Variants in CACNA1I observed in about 807,000 individuals in gnomAD.
The protein encoded by CACNA1I is calcium voltage-gated channel subunit alpha1 I.
CACNA1I carries 74 observed loss-of-function variants against 201.6 expected under a neutral mutation model. That is an observed-to-expected ratio of 0.37 (90% CI 0.30 to 0.45). The LOEUF (loss-of-function observed/expected upper bound fraction) is 0.45, where lower values mean the gene tolerates loss of function less well. Ranked by LOEUF, CACNA1I falls within the 20% of genes least tolerant of loss-of-function variation. The pLI is 1.00. For missense variants in CACNA1I, 2,346 were observed against 3,138.1 expected (o/e 0.75, Z 6.03); for synonymous variants, 1,431 against 1,345.2 (o/e 1.06, Z -1.40).
At chr22:39,602,056 C>T (rs1434737064) in intron 3 of CACNA1I, among the ~76,000 whole-genome samples, 1 of 38,170 alleles carries the variant, frequency 2.6e-5, no homozygotes, top group Non-Finnish European at 4.7e-5. Flanking sequence ...TTCGCCCTCC[C>T]TCCCTCCCTC....
intron 4 of CACNA1I, among the ~76,000 whole-genome samples, chr22:39,628,628 C>T (rs1231669585): frequency 6.6e-6 from 1 of 152,116 alleles, no homozygotes; most frequent in East Asian, 1.9e-4. Flanking sequence ...CCTGGCTGGG[C>T]CTTGGGCCGG....
At chr22:39,585,907 G>A (rs1420316886) in intron 1 of CACNA1I, among the ~76,000 whole-genome samples, 10 of 151,738 alleles carry the variant, frequency 6.6e-5, no homozygotes, top group South Asian at 2.1e-4. Context: ...TTGACCTGGC[G>A]CGGTGGCTCA....
At chr22:39,668,205 A>G in intron 23 of CACNA1I, 87 bp from the exon 24 acceptor site, 1 of 761,386 alleles carries the variant, frequency 1.3e-6, no homozygotes, top group Non-Finnish European at 2.3e-6. Flanking sequence ...TCCCAAGGGC[A>G]GAAGAATAGA....
intron 34 of CACNA1I, 72 bp downstream of exon 34, chr22:39,681,124 A>AC (rs1935692665): frequency 8.0e-6 from 12 of 1,498,638 alleles, no homozygotes; most frequent in African/African-American, 4.1e-5. Flanking sequence ...CCCAGGCAGG[A>AC]CCCCCCTGTC....
intron 1 of CACNA1I, among the ~76,000 whole-genome samples, chr22:39,578,709 T>C (rs1370103601): frequency 6.6e-6 from 1 of 152,204 alleles, no homozygotes; most frequent in Non-Finnish European, 1.5e-5. Flanking sequence ...ATTTGTGTGC[T>C]GATTCTTTCC....
In CACNA1I at chr22:39,666,581, T is replaced by C. The variant is rs1340478619; in HGVS notation, c.4104+575T>C. Among the ~76,000 whole-genome samples, 4 of 152,122 alleles carry C rather than the reference T, an allele frequency of 2.6e-5. No homozygotes were observed. The highest frequency in any genetic ancestry group is 2.6e-4 in the Admixed American group (4 of 15,286). On this transcript the variant is annotated intron_variant, in intron 23 of 36. Transcript: ENST00000402142. The surrounding 1 kb of genome is among the most constrained non-coding windows in gnomAD (Gnocchi z 4.1). ...TGCCAGGTGTGACCCATCTGGGCAG[T>C]GCCCCAGGTGAGGGCCCTTGGCTGG...
At chr22:39,576,277 T>C (rs1238759169) in intron 1 of CACNA1I, among the ~76,000 whole-genome samples, 2 of 152,264 alleles carry the variant, frequency 1.3e-5, no homozygotes, top group Non-Finnish European at 2.9e-5. Flanking sequence ...CTGATGCTGA[T>C]TGCTGAAAGC....
chr22:39,660,056 C>T (rs1050946490), intron 14 of CACNA1I, among the ~76,000 whole-genome samples: 1 of 152,072 alleles, frequency 6.6e-6, no homozygotes, highest in African/African-American at 2.4e-5. Context: ...CCCTGCTCCC[C>T]CCCAGGGATG....
intron 5 of CACNA1I, among the ~76,000 whole-genome samples, chr22:39,637,414 C>T (rs923476130): frequency 6.6e-6 from 1 of 152,130 alleles, no homozygotes; most frequent in African/African-American, 2.4e-5. Context: ...GGAGGGTACT[C>T]TTGATCGAGG....
chr22:39,664,196 C>T, intron 20 of CACNA1I, 37 bp downstream of exon 20: 1 of 1,567,310 alleles, frequency 6.4e-7, no homozygotes, highest in Non-Finnish European at 8.7e-7. Flanking sequence ...CTGCTAGCCC[C>T]AGCTCGGGCC....
At chr22:39,577,686 G>A (rs571802680) in intron 1 of CACNA1I, among the ~76,000 whole-genome samples, 3 of 152,372 alleles carry the variant, frequency 2.0e-5, no homozygotes, top group Admixed American at 6.5e-5. Context: ...AGAGGCGCCT[G>A]TGGGACGATG....
Position 39,658,302 on chromosome 22 carries a change from AG to A in CACNA1I, c.2144+1del. 1 of 1,613,524 alleles carries A rather than the reference AG, an allele frequency of 6.2e-7. No individual in the cohort carries two copies. Among genetic ancestry groups the A allele is most frequent in the Non-Finnish European group, 8.5e-7 (1 of 1,179,590 alleles). Reference sequence around the variant, plus strand: ...CTTCGACAGCATCATTGTCATCATCAGGTACCCCTCCCCCAACCCACCCGGC... The same window carrying A: ...CTTCGACAGCATCATTGTCATCATCAGTACCCCTCCCCCAACCCACCCGGC... ...NIFDSIIVIISIWEIVGQADG... is the reference protein window; with the variant it reads ...NIFDSIIVIIXIWEIVGQADG... On this transcript the variant is annotated frameshift_variant and splice_region_variant, in exon 11 of 37. Transcript: ENST00000402142. LOFTEE classifies it high-confidence loss of function.
chr22:39,590,760 G>T (rs560804972), intron 1 of CACNA1I, among the ~76,000 whole-genome samples: 1 of 152,202 alleles, frequency 6.6e-6, no homozygotes, highest in Non-Finnish European at 1.5e-5. Context: ...TGGGGATAAC[G>T]GTAGTATCAG....
intron 10 of CACNA1I, among the ~76,000 whole-genome samples, chr22:39,657,404 T>C (rs1269028845): frequency 6.6e-6 from 1 of 152,076 alleles, no homozygotes; most frequent in Non-Finnish European, 1.5e-5. Context: ...CCACGGGTGC[T>C]CTGTGTGCAG....
At chr22:39,631,569 GC>G (rs1371018948) in intron 4 of CACNA1I, among the ~76,000 whole-genome samples, 1 of 152,230 alleles carries the variant, frequency 6.6e-6, no homozygotes, top group Non-Finnish European at 1.5e-5. Flanking sequence ...GGAGGGTTTG[GC>G]CGGGGGAAGG....
chr22:39,668,429 G>T, intron 24 of CACNA1I, 48 bp downstream of exon 24: 1 of 1,225,484 alleles, frequency 8.2e-7, no homozygotes, highest in South Asian at 1.2e-5. Context: ...GGAGGAACAT[G>T]GTGTCCTTGG....
intron 7 of CACNA1I, 34 bp from the exon 8 acceptor site, chr22:39,646,535 C>T (rs753184860): frequency 1.3e-6 from 2 of 1,510,778 alleles, no homozygotes; most frequent in Admixed American, 4.1e-5. Context: ...CCATCCCTGT[C>T]CCTGTCCCTG....
Position 39,663,703 on chromosome 22 carries a change from G to T in CACNA1I, c.3474-15G>T. The T allele has an allele frequency of 4.7e-6, 4 of 851,580 alleles. No individual in the cohort carries two copies. In the South Asian group the frequency reaches 5.4e-5, roughly 11 times the overall value. 52.8% of individuals were successfully genotyped at this position (851,580 alleles called of 1,614,324 possible). A position where few individuals can be genotyped will look rare whatever the true frequency, so the allele number is the denominator to read the frequency against. ...GGCAGCTGACGCTCAGGCAGCCCCC[G>T]CCCACCCTGCCCAGGTTCCGGGTCC... On this transcript the variant is annotated splice_polypyrimidine_tract_variant and intron_variant, in intron 18 of 36. Transcript: ENST00000402142.
chr22:39,592,125 C>T (rs1719478261), intron 1 of CACNA1I, among the ~76,000 whole-genome samples: 2 of 152,172 alleles, frequency 1.3e-5, no homozygotes, highest in South Asian at 2.1e-4. Flanking sequence ...CAGCAGCACC[C>T]AAAGACCCTG....
Sources: allele counts gnomAD v4.1 joint callset (sites outside exome capture counted in the v4.1 genomes callset), GRCh38; gene constraint gnomAD v4.1.1; non-coding constraint Gnocchi (gnomAD v3.1); transcripts MANE v1.5; gene names NCBI Gene and HGNC (gene_info 2026-07-23, HGNC 2026-07-21).